TENM1: variants seen among roughly 807,000 people sequenced by gnomAD.
TENM1 encodes teneurin transmembrane protein 1.
TENM1 carries 35 observed loss-of-function variants against 174.8 expected under a neutral mutation model. That is an observed-to-expected ratio of 0.20 (90% confidence interval 0.15 to 0.27). TENM1 has a LOEUF of 0.27. TENM1 is among the 10% of genes least tolerant of loss of function. The pLI is 1.00. For missense variants in TENM1, 1,633 were observed against 2,130.1 expected (o/e 0.77, Z 4.59); for synonymous variants, 781 against 798.7 (o/e 0.98, Z 0.37).
At chrX:124,533,224 A>G (rs1297853608) in intron 15 of TENM1, among the ~76,000 whole-genome samples, 1 of 111,530 alleles carries the variant, frequency 9.0e-6, no homozygotes, top group Non-Finnish European at 1.9e-5. Context: ...CCAGATTCTA[A>G]ATTCTATTTT....
At chrX:125,068,480 A>G in the TENM1 span, among the ~76,000 whole-genome samples, 1 of 112,206 alleles carries the variant, frequency 8.9e-6, no homozygotes, top group Non-Finnish European at 1.9e-5. Context: ...CTAATGAAAT[A>G]AAATACAATA....
chrX:124,629,812 G>A (rs1025954482), intron 11 of TENM1, among the ~76,000 whole-genome samples: 1 of 112,014 alleles, frequency 8.9e-6, no homozygotes, highest in Non-Finnish European at 1.9e-5. Flanking sequence ...CCCCATATAT[G>A]CTCATTGCCA....
intron 1 of TENM1, among the ~76,000 whole-genome samples, chrX:124,961,163 ATATT>A (rs1569489806): frequency 8.9e-6 from 1 of 112,214 alleles, no homozygotes; most frequent in Non-Finnish European, 1.9e-5. Context: ...TGACATGGCA[ATATT>A]TAAAGAATAG....
At chrX:124,750,032 C>T (rs1290120709) in intron 3 of TENM1, among the ~76,000 whole-genome samples, 1 of 111,878 alleles carries the variant, frequency 8.9e-6, no homozygotes, top group Non-Finnish European at 1.9e-5. Context: ...AACCAATTTT[C>T]TTTCAAAGAA....
Position 124,738,621 on chromosome X carries a change from A to G in TENM1, c.536-1424T>C, listed in dbSNP as rs777257371. On this transcript the variant is annotated intron_variant, in intron 3 of 31. Coordinates refer to ENST00000422452, the Ensembl canonical transcript of TENM1. ...TTAAAAGAACTAAAATGTTTCATGA[A>G]TTTCCTAAGTCACCCCCATTATTCC... Among the ~76,000 whole-genome samples, 18 of 111,767 alleles carry G rather than the reference A, an allele frequency of 1.6e-4. No homozygotes were observed. The South Asian group carries it at 6.8e-3, about 42-fold the overall frequency.
At chrX:125,076,051 A>G in the TENM1 span, among the ~76,000 whole-genome samples, 3 of 111,902 alleles carry the variant, frequency 2.7e-5, no homozygotes, top group African/African-American at 9.7e-5. Flanking sequence ...AAAAAGTAAG[A>G]TTTCTATATG....
chrX:124,467,851 C>G (rs1390462217), intron 22 of TENM1, among the ~76,000 whole-genome samples: 3 of 110,209 alleles, frequency 2.7e-5, no homozygotes, highest in Non-Finnish European at 5.7e-5. Flanking sequence ...CTCTGTCTCC[C>G]AGGTTCGAGT....
intron 22 of TENM1, among the ~76,000 whole-genome samples, chrX:124,472,778 CAG>C (rs2061350388): frequency 9.0e-6 from 1 of 111,007 alleles, no homozygotes; most frequent in Non-Finnish European, 1.9e-5. Flanking sequence ...CTGTAGACTT[CAG>C]ATTCCTTCAA....
At chrX:125,182,075 G>C in the TENM1 span, among the ~76,000 whole-genome samples, 2 of 110,728 alleles carry the variant, frequency 1.8e-5, no homozygotes, top group African/African-American at 6.6e-5. Context: ...GTTAAAATCA[G>C]GGTATCGGCA....
At chrX:124,524,765 G>T (rs1230912297) in intron 16 of TENM1, among the ~76,000 whole-genome samples, 2 of 98,731 alleles carry the variant, frequency 2.0e-5, no homozygotes, top group Admixed American at 2.1e-4. Flanking sequence ...AACAGATTCA[G>T]ATTTCATTTC....
chrX:124,665,976 G>T (rs993561281), intron 6 of TENM1, among the ~76,000 whole-genome samples: 1 of 112,042 alleles, frequency 8.9e-6, no homozygotes, highest in African/African-American at 3.2e-5. Flanking sequence ...TTTTTCAGAT[G>T]AGAAACTGGA....
chrX:125,201,689 A>G, the TENM1 span, among the ~76,000 whole-genome samples: 8 of 111,845 alleles, frequency 7.2e-5, no homozygotes, highest in African/African-American at 2.6e-4. Flanking sequence ...TAGAGCATGG[A>G]TTTATTTTAG....
intron 11 of TENM1, among the ~76,000 whole-genome samples, chrX:124,582,407 C>G (rs184783845): frequency 8.9e-6 from 1 of 111,886 alleles, no homozygotes; most frequent in Non-Finnish European, 1.9e-5. Context: ...TATGATTTAT[C>G]GGAGCAGTGT....
intron 7 of TENM1, 39 bp from the exon 11 acceptor site, chrX:124,652,163 T>G: frequency 8.4e-7 from 1 of 1,192,087 alleles, no homozygotes; most frequent in Non-Finnish European, 1.1e-6. Context: ...CCACTACTTT[T>G]TCTTCTAGAC....
At chrX:124,505,833 C>G (rs2047435578) in intron 18 of TENM1, among the ~76,000 whole-genome samples, 1 of 111,898 alleles carries the variant, frequency 8.9e-6, no homozygotes, top group Non-Finnish European at 1.9e-5. Context: ...TCAAAGACAA[C>G]TGTAGTAGAC....
At chrX:124,770,120 A>C (rs977974186) in intron 3 of TENM1, among the ~76,000 whole-genome samples, 1 of 112,153 alleles carries the variant, frequency 8.9e-6, no homozygotes, top group Non-Finnish European at 1.9e-5. Flanking sequence ...AAAGCAGTTT[A>C]AAACATCTTT....
chrX:124,541,443 C>T (rs933884844), intron 15 of TENM1, among the ~76,000 whole-genome samples: 4 of 111,888 alleles, frequency 3.6e-5, no homozygotes, highest in South Asian at 3.8e-4. Flanking sequence ...CTCTCTTTCT[C>T]GCTCTTGCTT....
chrX:124,570,453 A>T (rs1310923884), intron 11 of TENM1, among the ~76,000 whole-genome samples: 1 of 111,555 alleles, frequency 9.0e-6, no homozygotes, highest in Non-Finnish European at 1.9e-5. Flanking sequence ...AAAATCCTAA[A>T]CAAAAATTAA....
chrX:124,708,701 T>A (rs1485208059), intron 4 of TENM1, among the ~76,000 whole-genome samples: 1 of 110,537 alleles, frequency 9.0e-6, no homozygotes, highest in Admixed American at 9.7e-5. Context: ...TTCAAAAGAG[T>A]ATGGGCAACG....
Sources: gnomAD v4.1 joint callset for allele counts (sites outside exome capture counted in the v4.1 genomes callset) on GRCh38, gnomAD v4.1.1 for gene constraint, MANE v1.5 for transcripts, NCBI Gene and HGNC (gene_info 2026-07-23, HGNC 2026-07-21) for gene names.